The following SPATA6 variants were observed in gnomAD, a reference collection of about 807,000 sequenced individuals.
SPATA6 encodes spermatogenesis associated 6.
Under a neutral mutation model 65.3 loss-of-function variants are expected in SPATA6, and 56 were observed. The ratio of observed to expected loss-of-function variants is 0.86; its 90% CI spans 0.69 to 1.07. SPATA6 has a LOEUF of 1.07. SPATA6 is among the 50% of genes least tolerant of loss of function. SPATA6 has a pLI of 0.00. For missense variants in SPATA6, 590 were observed against 594.8 expected (o/e 0.99, Z 0.08); for synonymous variants, 199 against 213.2 (o/e 0.93, Z 0.58).
intron 8 of SPATA6, among the ~76,000 whole-genome samples, chr1:48,394,884 T>C (rs980241723): frequency 1.3e-5 from 2 of 151,988 alleles, no homozygotes; most frequent in South Asian, 2.1e-4. Context: ...CTACTAGGGC[T>C]AAAGATGAAA....
chr1:48,357,905 G>C (rs529735732), intron 10 of SPATA6, among the ~76,000 whole-genome samples: 1 of 152,138 alleles, frequency 6.6e-6, no homozygotes, highest in Admixed American at 6.5e-5. Flanking sequence ...ATGTTAATTT[G>C]TATAGGTAAA....
At chr1:48,286,428 G>GT in the SPATA6 span, among the ~76,000 whole-genome samples, 409 of 152,160 alleles carry the variant, frequency 2.7e-3, no homozygotes, top group African/African-American at 9.3e-3. Context: ...TGTTGCTAAT[G>GT]TAAATGGGAT....
At chr1:48,354,087 A>C (rs1163889200) in intron 11 of SPATA6, among the ~76,000 whole-genome samples, 2 of 152,154 alleles carry the variant, frequency 1.3e-5, no homozygotes, top group African/African-American at 4.8e-5. Flanking sequence ...AACAGAGGAT[A>C]TCCCAATGGC....
the SPATA6 span, among the ~76,000 whole-genome samples, chr1:48,264,688 G>A: frequency 2.0e-5 from 3 of 152,148 alleles, no homozygotes; most frequent in Admixed American, 6.5e-5. Flanking sequence ...TCCCTGCAAA[G>A]GACAGGAACT....
chr1:48,447,376 G>T (rs1329482363), intron 3 of SPATA6, among the ~76,000 whole-genome samples: 1 of 152,034 alleles, frequency 6.6e-6, no homozygotes, highest in Non-Finnish European at 1.5e-5. Context: ...AAAATTAGCC[G>T]GGCATGGTGT....
chr1:48,372,244 C>G (rs1298475323), intron 9 of SPATA6, among the ~76,000 whole-genome samples: 1 of 152,144 alleles, frequency 6.6e-6, no homozygotes, highest in African/African-American at 2.4e-5. Context: ...CTAGTTACTG[C>G]CTAGACACAA....
At chr1:48,372,844 A>C (rs1305322071) in intron 9 of SPATA6, among the ~76,000 whole-genome samples, 1 of 152,234 alleles carries the variant, frequency 6.6e-6, no homozygotes, top group East Asian at 1.9e-4. Context: ...CTGAAGCCAG[A>C]GCCCAACCTG....
intron 11 of SPATA6, among the ~76,000 whole-genome samples, chr1:48,337,684 C>T (rs925560440): frequency 1.3e-5 from 2 of 151,710 alleles, no homozygotes; most frequent in African/African-American, 4.8e-5. Flanking sequence ...TGACTAAAAG[C>T]AGGTAAATTA....
the SPATA6 span, among the ~76,000 whole-genome samples, chr1:48,271,062 G>A: frequency 6.6e-6 from 1 of 151,994 alleles, no homozygotes; most frequent in African/African-American, 2.4e-5. Flanking sequence ...TAAGGCATTG[G>A]GACAGAAAAT....
chr1:48,422,035 C>T (rs1653391283), intron 3 of SPATA6, among the ~76,000 whole-genome samples: 1 of 151,912 alleles, frequency 6.6e-6, no homozygotes, highest in Admixed American at 6.6e-5. Flanking sequence ...AGCTGTAATG[C>T]TTAACTATGC....
At chr1:48,312,734 T>G (rs1342025620) in intron 11 of SPATA6, among the ~76,000 whole-genome samples, 1 of 152,036 alleles carries the variant, frequency 6.6e-6, no homozygotes, top group Non-Finnish European at 1.5e-5. Context: ...AGGCTTCAGA[T>G]GATCAAACGA....
intron 3 of SPATA6, among the ~76,000 whole-genome samples, chr1:48,445,402 G>A (rs1264141852): frequency 2.0e-5 from 3 of 152,054 alleles, no homozygotes; most frequent in East Asian, 3.9e-4. Flanking sequence ...GGTGGCTCAC[G>A]CCTGTAATCC....
At position 48,399,655 on chromosome 1, in the gene SPATA6, A is replaced by G; in HGVS notation, c.487-11T>C. ...GTAAATAAATTTATCCTAAACATAA[A>G]AAATAAAAATTAACTTGGTCAAAGG... On this transcript the variant is annotated splice_polypyrimidine_tract_variant and intron_variant, in intron 6 of 12. Transcript: ENST00000371847. 1 of 1,550,514 alleles carries G rather than the reference A, an allele frequency of 6.4e-7. No individual in the cohort carries two copies. The highest frequency in any genetic ancestry group is 2.1e-5 in the Admixed American group (1 of 47,450).
intron 3 of SPATA6, among the ~76,000 whole-genome samples, chr1:48,416,849 T>C (rs1557684579): frequency 6.6e-6 from 1 of 152,012 alleles, no homozygotes; most frequent in Admixed American, 6.5e-5. Context: ...ATTCACCAAA[T>C]GAACAGAATA....
At chr1:48,390,153 G>A (rs1649901578) in intron 8 of SPATA6, among the ~76,000 whole-genome samples, 1 of 152,104 alleles carries the variant, frequency 6.6e-6, no homozygotes, top group Non-Finnish European at 1.5e-5. Flanking sequence ...CCAAAACATG[G>A]AATCAACCTA....
intron 9 of SPATA6, among the ~76,000 whole-genome samples, chr1:48,384,468 A>C (rs1649247226): frequency 6.8e-6 from 1 of 147,500 alleles, no homozygotes; most frequent in Non-Finnish European, 1.5e-5. Context: ...ACTTACTATC[A>C]AGATACTTTC....
chr1:48,403,670 T>C (rs1010472635), intron 6 of SPATA6, 132 bp downstream of exon 6: 2 of 624,710 alleles, frequency 3.2e-6, no homozygotes, highest in Non-Finnish European at 5.5e-6. Flanking sequence ...CCTATATTGT[T>C]TCACTTCAAC....
chr1:48,431,429 C>T (rs1359170982), intron 3 of SPATA6, among the ~76,000 whole-genome samples: 1 of 152,102 alleles, frequency 6.6e-6, no homozygotes, highest in Non-Finnish European at 1.5e-5. Context: ...ATAGCTCTAA[C>T]AGATATTTAC....
chr1:48,273,464 A>C, the SPATA6 span, among the ~76,000 whole-genome samples: 1 of 152,048 alleles, frequency 6.6e-6, no homozygotes, highest in African/African-American at 2.4e-5. Flanking sequence ...TCTACATTAG[A>C]TATTTCTTCT....
Sources: gnomAD v4.1 joint callset for allele counts (sites outside exome capture counted in the v4.1 genomes callset) on GRCh38, gnomAD v4.1.1 for gene constraint, MANE v1.5 for transcripts, NCBI Gene and HGNC (gene_info 2026-07-23, HGNC 2026-07-21) for gene names.